Variants in GFRA1 observed in about 807,000 individuals in gnomAD.
GFRA1 encodes GDNF family receptor alpha 1.
Under a neutral mutation model 51.6 loss-of-function variants are expected in GFRA1, and 16 were observed. That is an observed-to-expected ratio of 0.31 (90% CI 0.21 to 0.47). The LOEUF (loss-of-function observed/expected upper bound fraction) is 0.47, where lower values mean the gene tolerates loss of function less well. Among genes scored for constraint, GFRA1 ranks in the 20% least tolerant of loss-of-function variants. GFRA1 has a pLI of 1.00. For missense variants in GFRA1, 530 were observed against 594.3 expected (o/e 0.89, Z 1.13); for synonymous variants, 270 against 241.3 (o/e 1.12, Z -1.10).
rs935426186 is a variant in GFRA1, at chr10:116,222,098, G to A, written c.419-10453C>T. On this transcript the variant is annotated intron_variant, in intron 4 of 10. Coordinates refer to ENST00000355422, the MANE Select transcript of GFRA1 (RefSeq NM_005264.8). The stretch of plus-strand genomic sequence containing the variant: ...CTTGGGTTTATGAAAAGGATGGTAT[G>A]AGAGGCGGTAGAAGGGGAAAGAGCC... Among the ~76,000 whole-genome samples the A allele has an allele frequency of 6.6e-5, 10 of 151,670 alleles. No homozygotes were observed. The East Asian group carries it at 7.7e-4, about 12-fold the overall frequency.
At chr10:116,127,282 T>C (rs1957919235) in intron 5 of GFRA1, among the ~76,000 whole-genome samples, 1 of 152,204 alleles carries the variant, frequency 6.6e-6, no homozygotes, top group African/African-American at 2.4e-5. Context: ...CGATTAAAAA[T>C]ATTGTACATA....
chr10:116,218,403 G>C (rs891382446), intron 4 of GFRA1, among the ~76,000 whole-genome samples: 1 of 152,142 alleles, frequency 6.6e-6, no homozygotes, highest in South Asian at 2.1e-4. Flanking sequence ...CTATAGCGGG[G>C]TTCTATGGAG....
chr10:116,221,660 G>A (rs1267381301), intron 4 of GFRA1, among the ~76,000 whole-genome samples: 1 of 152,088 alleles, frequency 6.6e-6, no homozygotes, highest in East Asian at 1.9e-4. Context: ...CCTGACCTCA[G>A]GTGATCTGCC....
chr10:116,187,543 A>G (rs760376392), intron 5 of GFRA1, among the ~76,000 whole-genome samples: 37 of 152,350 alleles, frequency 2.4e-4, no homozygotes, highest in Non-Finnish European at 3.1e-4. Flanking sequence ...TCTAGGAGTT[A>G]GTGGCACCGA....
intron 9 of GFRA1, among the ~76,000 whole-genome samples, chr10:116,088,822 A>T (rs888825083): frequency 6.7e-6 from 1 of 148,850 alleles, no homozygotes. Context: ...GCGGGAGGCT[A>T]AGGCAGGAGA....
At chr10:116,261,908 C>A (rs1351753197) in intron 4 of GFRA1, among the ~76,000 whole-genome samples, 1 of 152,138 alleles carries the variant, frequency 6.6e-6, no homozygotes, top group Non-Finnish European at 1.5e-5. Flanking sequence ...GGCCCAAGGT[C>A]ACCCAGCTAG....
intron 5 of GFRA1, among the ~76,000 whole-genome samples, chr10:116,200,719 C>CT (rs942326134): frequency 1.3e-5 from 2 of 152,178 alleles, no homozygotes; most frequent in South Asian, 2.1e-4. Flanking sequence ...GCTCTCTGGT[C>CT]TTTTTTTATA....
chr10:116,150,497 G>A (rs999218549), intron 5 of GFRA1, among the ~76,000 whole-genome samples: 7 of 152,192 alleles, frequency 4.6e-5, no homozygotes, highest in Non-Finnish European at 1.0e-4. Context: ...AACAGCCCAT[G>A]CCTTTCTAAG....
At chr10:116,271,704 G>C (rs1003268298) in intron 2 of GFRA1, among the ~76,000 whole-genome samples, 1 of 152,196 alleles carries the variant, frequency 6.6e-6, no homozygotes, top group Admixed American at 6.5e-5. Context: ...GAGACTCTCT[G>C]GGGGTGCAGG....
chr10:116,068,007 T>C (rs753626380), intron 9 of GFRA1, among the ~76,000 whole-genome samples: 5 of 152,198 alleles, frequency 3.3e-5, no homozygotes, highest in Non-Finnish European at 7.3e-5. Context: ...TGTAGTCCCA[T>C]TGGCTAAAGC....
intron 5 of GFRA1, among the ~76,000 whole-genome samples, chr10:116,189,820 G>C (rs11197577): frequency 6.6e-6 from 1 of 152,084 alleles, no homozygotes; most frequent in African/African-American, 2.4e-5. Context: ...CATCGATATA[G>C]AATAGTTATC....
At chr10:116,212,381 G>A (rs533826884) in intron 4 of GFRA1, among the ~76,000 whole-genome samples, 4 of 152,036 alleles carry the variant, frequency 2.6e-5, no homozygotes, top group African/African-American at 4.8e-5. Context: ...TTAGCCAGAC[G>A]CAGTGGTGGG....
At chr10:116,268,248 T>A (rs554718405) in intron 4 of GFRA1, among the ~76,000 whole-genome samples, 3 of 152,336 alleles carry the variant, frequency 2.0e-5, no homozygotes, top group Admixed American at 6.5e-5. Flanking sequence ...ACTTTTGTGA[T>A]TTGGGGCTGT....
At chr10:116,236,891 GACA>G (rs1385179027) in intron 4 of GFRA1, among the ~76,000 whole-genome samples, 5 of 152,172 alleles carry the variant, frequency 3.3e-5, no homozygotes, top group African/African-American at 1.2e-4. Context: ...ATACTACCAG[GACA>G]ACAATAATAG....
At chr10:116,244,838 G>A (rs1007098325) in intron 4 of GFRA1, among the ~76,000 whole-genome samples, 9 of 152,178 alleles carry the variant, frequency 5.9e-5, no homozygotes, top group Admixed American at 1.3e-4. Flanking sequence ...AAAAATACAC[G>A]TATTCACATA....
chr10:116,095,688 G>A (rs1956540659), intron 7 of GFRA1, among the ~76,000 whole-genome samples: 1 of 152,168 alleles, frequency 6.6e-6, no homozygotes, highest in Non-Finnish European at 1.5e-5. Context: ...TTTTCCCAAA[G>A]CCGCCTGCTG....
intron 8 of GFRA1, among the ~76,000 whole-genome samples, chr10:116,092,720 C>T (rs1294457197): frequency 1.3e-5 from 2 of 152,198 alleles, no homozygotes; most frequent in African/African-American, 4.8e-5. Context: ...CCAGGCTTTA[C>T]TCAGCTGTAT....
Position 116,128,725 on chromosome 10 carries a change from CAAAAAAAAAAAA to C in GFRA1, c.434-3180_434-3169del, listed in dbSNP as rs67642059. On this transcript the variant is annotated intron_variant, in intron 5 of 10. Coordinates refer to ENST00000355422, the MANE Select transcript of GFRA1 (RefSeq NM_005264.8). ...TGGGGGACTGAGTGAGACTCTGTCT[CAAAAAAAAAAAA>C]AAAAAAAAAAAAAATTGGCCTAGGT... Among the ~76,000 whole-genome samples, 180 of 87,822 alleles carry C rather than the reference CAAAAAAAAAAAA, an allele frequency of 2.0e-3. 3 individuals carry two copies. The highest frequency in any genetic ancestry group is 7.7e-3 in the African/African-American group (173 of 22,580). The allele number at this position is 87,822 out of a possible 152,430, so 57.6% of individuals were successfully genotyped here. A position where few individuals can be genotyped will look rare whatever the true frequency, so the allele number is the denominator to read the frequency against.
At chr10:116,147,397 C>A (rs575284570) in intron 5 of GFRA1, among the ~76,000 whole-genome samples, 2 of 152,104 alleles carry the variant, frequency 1.3e-5, no homozygotes. Flanking sequence ...TTGGTTGGAG[C>A]TGGTGGTTCA....
Sources: allele counts gnomAD v4.1 joint callset (sites outside exome capture counted in the v4.1 genomes callset), GRCh38; gene constraint gnomAD v4.1.1; transcripts MANE v1.5; gene names NCBI Gene and HGNC (gene_info 2026-07-23, HGNC 2026-07-21).